Variants in WDPCP observed in about 807,000 individuals in gnomAD.
WDPCP encodes WD repeat-containing and planar cell polarity effector protein fritz homolog.
WDPCP carries 71 observed loss-of-function variants against 93.1 expected under a neutral mutation model. That is an observed-to-expected ratio of 0.76 (90% CI 0.63 to 0.93). The LOEUF (loss-of-function observed/expected upper bound fraction) is 0.93. Among genes scored for constraint, WDPCP ranks in the 40% least tolerant of loss-of-function variants. The pLI is 0.00. For missense variants in WDPCP, 844 were observed against 887.4 expected (o/e 0.95, Z 0.62); for synonymous variants, 315 against 315.0 (o/e 1.00, Z 0.00).
chr2:63,775,444 T>C (rs1446074863), intron 2 of WDPCP, among the ~76,000 whole-genome samples: 1 of 152,232 alleles, frequency 6.6e-6, no homozygotes, highest in Admixed American at 6.5e-5. Flanking sequence ...TTGGAGGAAA[T>C]TCATATATAG....
chr2:63,839,487 G>A, the WDPCP span, among the ~76,000 whole-genome samples: 1 of 152,256 alleles, frequency 6.6e-6, no homozygotes, highest in Non-Finnish European at 1.5e-5. Context: ...GAACCCGGGA[G>A]GCGGAGGTTG....
At chr2:63,142,888 A>G (rs1178864616) in intron 17 of WDPCP, among the ~76,000 whole-genome samples, 1 of 150,802 alleles carries the variant, frequency 6.6e-6, no homozygotes, top group African/African-American at 2.5e-5. Context: ...ATACACATAC[A>G]TATATACACA....
chr2:63,816,924 T>G (rs1419593355), intron 1 of WDPCP, among the ~76,000 whole-genome samples: 1 of 152,200 alleles, frequency 6.6e-6, no homozygotes, highest in Non-Finnish European at 1.5e-5. Flanking sequence ...CAGGCTAAAT[T>G]ATTCTATGAG....
chr2:63,509,007 A>G (rs1209051960), intron 1 of WDPCP, among the ~76,000 whole-genome samples: 2 of 152,190 alleles, frequency 1.3e-5, no homozygotes, highest in East Asian at 3.9e-4. Flanking sequence ...TCCCACTGTC[A>G]ATATTAGGCA....
intron 13 of WDPCP, among the ~76,000 whole-genome samples, chr2:63,273,294 C>T (rs1476904029): frequency 1.3e-5 from 2 of 151,970 alleles, no homozygotes; most frequent in African/African-American, 2.4e-5. Context: ...ACCATGAAAA[C>T]ACATAAAGTA....
intron 14 of WDPCP, among the ~76,000 whole-genome samples, chr2:63,182,983 T>C (rs542678689): frequency 6.6e-6 from 1 of 152,030 alleles, no homozygotes; most frequent in African/African-American, 2.4e-5. Context: ...GTATCAGTTC[T>C]AATGTCTCCT....
intron 12 of WDPCP, among the ~76,000 whole-genome samples, chr2:63,313,978 T>C (rs1686425861): frequency 1.3e-5 from 2 of 148,366 alleles, no homozygotes; most frequent in Non-Finnish European, 3.0e-5. Flanking sequence ...ACCTCCCTGA[T>C]TCAAGTGATT....
chr2:63,467,653 G>C (rs1699429040), intron 6 of WDPCP, among the ~76,000 whole-genome samples: 2 of 151,704 alleles, frequency 1.3e-5, no homozygotes, highest in Non-Finnish European at 2.9e-5. Flanking sequence ...GTGCACGCCT[G>C]TAGTCCCAGC....
At chr2:63,606,179 C>T in intron 3 of WDPCP, 1 of 721,246 alleles carries the variant, frequency 1.4e-6, no homozygotes. Flanking sequence ...CCCAGGAGTT[C>T]AAGACCAGCC....
At chr2:63,802,728 T>C (rs1303132777) in intron 2 of WDPCP, among the ~76,000 whole-genome samples, 1 of 152,152 alleles carries the variant, frequency 6.6e-6, no homozygotes, top group Non-Finnish European at 1.5e-5. Flanking sequence ...GTCTATATAG[T>C]ACAGCTTTAA....
At chr2:63,699,978 G>T (rs985170674) in intron 2 of WDPCP, among the ~76,000 whole-genome samples, 1 of 152,028 alleles carries the variant, frequency 6.6e-6, no homozygotes, top group Non-Finnish European at 1.5e-5. Context: ...ATTGCTGTGG[G>T]TAAGGCCAAG....
At chr2:63,409,590 T>C (rs548222936) in intron 9 of WDPCP, among the ~76,000 whole-genome samples, 2 of 152,046 alleles carry the variant, frequency 1.3e-5, no homozygotes, top group Middle Eastern at 3.2e-3. Flanking sequence ...AAGTTAGTTA[T>C]TCAGCTAATC....
intron 13 of WDPCP, among the ~76,000 whole-genome samples, chr2:63,301,551 A>G (rs988091999): frequency 1.3e-5 from 2 of 152,174 alleles, no homozygotes; most frequent in African/African-American, 4.8e-5. Flanking sequence ...AGGTCACACA[A>G]ATCTAGGAAG....
At chr2:63,257,528 T>A (rs1218431848) in intron 14 of WDPCP, among the ~76,000 whole-genome samples, 1 of 152,168 alleles carries the variant, frequency 6.6e-6, no homozygotes, top group Non-Finnish European at 1.5e-5. Context: ...TTACTGATGT[T>A]ATTTAATAGT....
intron 3 of WDPCP, among the ~76,000 whole-genome samples, chr2:63,646,802 T>C (rs1710057250): frequency 6.6e-6 from 1 of 152,086 alleles, no homozygotes; most frequent in South Asian, 2.1e-4. Context: ...TGCATCTTAT[T>C]TGTTTCTTCT....
intron 6 of WDPCP, among the ~76,000 whole-genome samples, chr2:63,449,156 T>A (rs1698062742): frequency 6.6e-6 from 1 of 152,000 alleles, no homozygotes; most frequent in African/African-American, 2.4e-5. Context: ...ACAACTTGAA[T>A]AAAAGTGAAA....
At chr2:63,602,934 CTTTTTTTTTTTTTTTTTTTTTTTT>C (rs370479356) in intron 3 of WDPCP, among the ~76,000 whole-genome samples, 269 of 131,586 alleles carry the variant, frequency 2.0e-3, no homozygotes, top group Non-Finnish European at 3.8e-3. Context: ...TTTAACCGTT[CTTTTTTTTTTTTTTTTTTTTTTTT>C]TTTTTTTTTT....
intron 14 of WDPCP, among the ~76,000 whole-genome samples, chr2:63,180,155 G>T (rs1164789074): frequency 4.6e-5 from 7 of 152,164 alleles, no homozygotes; most frequent in Non-Finnish European, 1.0e-4. Flanking sequence ...TGGAGCCTCA[G>T]AACAGTGGGA....
chr2:63,648,633 C>T (rs951463580), intron 3 of WDPCP, among the ~76,000 whole-genome samples: 2 of 152,132 alleles, frequency 1.3e-5, no homozygotes, highest in African/African-American at 4.8e-5. Context: ...AATGTATAGA[C>T]TTTTGTGTCT....
Sources: gnomAD v4.1 joint callset for allele counts (sites outside exome capture counted in the v4.1 genomes callset) on GRCh38, gnomAD v4.1.1 for gene constraint, MANE v1.5 for transcripts, NCBI Gene and HGNC (gene_info 2026-07-23, HGNC 2026-07-21) for gene names.